The following POC1A variants were observed in gnomAD, a reference collection of about 807,000 sequenced individuals.
POC1A encodes POC1 centriolar protein A.
POC1A carries 34 observed loss-of-function variants against 47.8 expected under a neutral mutation model. That is an observed-to-expected ratio of 0.71 (90% CI 0.54 to 0.95). The LOEUF (loss-of-function observed/expected upper bound fraction) is 0.95. Among genes scored for constraint, POC1A ranks in the 40% least tolerant of loss-of-function variants. The probability of loss-of-function intolerance (pLI) is 0.00; values close to 1 mark genes in which losing one functional copy is unlikely to be tolerated. For synonymous variants in POC1A, 177 were observed against 207.6 expected (o/e 0.85, Z 1.27); for missense variants, 466 against 528.3 (o/e 0.88, Z 1.16).
At chr3:52,101,042 T>C (rs1450975989) in intron 9 of POC1A, among the ~76,000 whole-genome samples, 4 of 149,494 alleles carry the variant, frequency 2.7e-5, no homozygotes, top group Non-Finnish European at 5.9e-5. Context: ...CAGAGTCTGC[T>C]TAAGACTGAA....
intron 10 of POC1A, among the ~76,000 whole-genome samples, chr3:52,091,487 G>A (rs976695572): frequency 3.0e-4 from 45 of 152,124 alleles, no homozygotes; most frequent in African/African-American, 1.0e-3. Flanking sequence ...CAGGTGGAAG[G>A]GTCTGATCTA....
chr3:52,114,768 A>C (rs1032821007), intron 9 of POC1A, among the ~76,000 whole-genome samples: 2 of 152,158 alleles, frequency 1.3e-5, no homozygotes, highest in African/African-American at 4.8e-5. Flanking sequence ...GGAAACATGA[A>C]AAAGAAAGTC....
chr3:52,136,921 T>C (rs1217594907), intron 7 of POC1A, among the ~76,000 whole-genome samples: 1 of 152,202 alleles, frequency 6.6e-6, no homozygotes, highest in Non-Finnish European at 1.5e-5. Context: ...TTTCAAACTG[T>C]TTCTGAGTTT....
intron 1 of POC1A, 122 bp from the exon 2 acceptor site, chr3:52,151,222 A>C: frequency 1.4e-6 from 2 of 1,421,958 alleles, no homozygotes. Flanking sequence ...ATGATCTTAT[A>C]TAAAGAAAAT....
chr3:52,121,431 G>C (rs886710472), intron 9 of POC1A, among the ~76,000 whole-genome samples: 4 of 152,220 alleles, frequency 2.6e-5, no homozygotes, highest in African/African-American at 9.7e-5. Flanking sequence ...ACCCTTGTAA[G>C]AAAAACCATA....
At chr3:52,081,711 A>T (rs1334301571) in intron 10 of POC1A, among the ~76,000 whole-genome samples, 1 of 151,992 alleles carries the variant, frequency 6.6e-6, no homozygotes, top group Non-Finnish European at 1.5e-5. Flanking sequence ...TCAGAGCAGG[A>T]GGGTGCTGGG....
chr3:52,115,977 T>C (rs1234121123), intron 9 of POC1A, among the ~76,000 whole-genome samples: 1 of 152,096 alleles, frequency 6.6e-6, no homozygotes, highest in Non-Finnish European at 1.5e-5. Flanking sequence ...CCCTACACAA[T>C]ATACCAGGTA....
chr3:52,153,299 A>C (rs1698613827), intron 1 of POC1A, among the ~76,000 whole-genome samples: 1 of 152,236 alleles, frequency 6.6e-6, no homozygotes, highest in Non-Finnish European at 1.5e-5. Flanking sequence ...TACTCTAAGT[A>C]TCAGAAACCT....
intron 7 of POC1A, among the ~76,000 whole-genome samples, chr3:52,126,873 A>G (rs1483855614): frequency 2.0e-5 from 3 of 152,172 alleles, no homozygotes; most frequent in Non-Finnish European, 4.4e-5. Context: ...GGACCCAAAC[A>G]TCTCCCATTA....
At chr3:52,131,757 C>T (rs985788224) in intron 7 of POC1A, among the ~76,000 whole-genome samples, 8 of 152,148 alleles carry the variant, frequency 5.3e-5, no homozygotes, top group Non-Finnish European at 1.0e-4. Flanking sequence ...ACAAGAGAAG[C>T]CAAAGCAAAA....
intron 9 of POC1A, among the ~76,000 whole-genome samples, chr3:52,117,472 C>T (rs191115957): frequency 6.6e-6 from 1 of 152,312 alleles, no homozygotes; most frequent in African/African-American, 2.4e-5. Context: ...AACCGTGCCT[C>T]ACAGACGTCT....
Position 52,075,768 on chromosome 3 carries a change from C to T in POC1A, c.*119G>A. On this transcript the variant is annotated 3_prime_UTR_variant, in exon 11 of 11. Coordinates refer to ENST00000296484, the MANE Select transcript of POC1A (RefSeq NM_015426.5). ...AGGGCAGAACTGCAAAAATCCAGGG[C>T]TCCAGTATGGATGTGATTCCCACAG... is the stretch of plus-strand genomic sequence containing the variant. 1.3e-6 allele frequency: 1 copy of T among 793,040 alleles called. No individual in the cohort carries two copies. Among genetic ancestry groups the T allele is most frequent in the Non-Finnish European group, 2.2e-6 (1 of 457,318 alleles). 49.1% of individuals were successfully genotyped at this position (793,040 alleles called of 1,614,324 possible).
At chr3:52,107,128 C>T (rs1354586735) in intron 9 of POC1A, among the ~76,000 whole-genome samples, 1 of 152,246 alleles carries the variant, frequency 6.6e-6, no homozygotes, top group Non-Finnish European at 1.5e-5. Flanking sequence ...AGTGAGGAAG[C>T]AGCAAGAACA....
intron 1 of POC1A, among the ~76,000 whole-genome samples, chr3:52,154,129 G>A (rs374099777): frequency 6.6e-6 from 1 of 152,260 alleles, no homozygotes; most frequent in Non-Finnish European, 1.5e-5. Context: ...GGAGGCAGAG[G>A]CCTGTTTGTT....
chr3:52,130,839 C>T (rs1042815014), intron 7 of POC1A, among the ~76,000 whole-genome samples: 2 of 152,158 alleles, frequency 1.3e-5, no homozygotes, highest in African/African-American at 4.8e-5. Context: ...CCCTTTGCTG[C>T]TGCTATCCCA....
chr3:52,097,017 C>G (rs1302505109), intron 9 of POC1A, among the ~76,000 whole-genome samples: 1 of 152,212 alleles, frequency 6.6e-6, no homozygotes, highest in Non-Finnish European at 1.5e-5. Context: ...TCTTGGAGCC[C>G]CTCAGGGAAG....
chr3:52,094,525 C>T (rs1166767449), intron 10 of POC1A, among the ~76,000 whole-genome samples: 1 of 152,226 alleles, frequency 6.6e-6, no homozygotes, highest in Non-Finnish European at 1.5e-5. Flanking sequence ...GAAAGGTTGG[C>T]CTAGAAGACA....
intron 10 of POC1A, among the ~76,000 whole-genome samples, chr3:52,085,408 C>T (rs1336527777): frequency 6.6e-6 from 1 of 152,222 alleles, no homozygotes; most frequent in East Asian, 1.9e-4. Flanking sequence ...CTCACTGCTT[C>T]TCCGTGCCCC....
At chr3:52,110,649 G>A (rs1305956030) in intron 9 of POC1A, among the ~76,000 whole-genome samples, 1 of 152,218 alleles carries the variant, frequency 6.6e-6, no homozygotes, top group Non-Finnish European at 1.5e-5. Context: ...AGGTGATGAT[G>A]GGGCTTTAGA....
Sources: allele counts gnomAD v4.1 joint callset (sites outside exome capture counted in the v4.1 genomes callset), GRCh38; gene constraint gnomAD v4.1.1; transcripts MANE v1.5; gene names NCBI Gene and HGNC (gene_info 2026-07-23, HGNC 2026-07-21).